The following ACTR6 variants were observed in gnomAD, a reference collection of about 807,000 sequenced individuals.
The protein encoded by ACTR6 is actin related protein 6, also known as actin-related protein 6.
A neutral mutation model predicts 52.5 loss-of-function variants in ACTR6; 50 were observed. That is an observed-to-expected ratio of 0.95 (90% CI 0.76 to 1.20). The LOEUF (loss-of-function observed/expected upper bound fraction) is 1.20. ACTR6 is among the 50% of genes most tolerant of loss of function. The pLI is 0.00. For missense variants in ACTR6, 344 were observed against 472.4 expected, an observed-to-expected ratio of 0.73 and a Z score of 2.52; for synonymous variants, 135 against 147.2, an observed-to-expected ratio of 0.92 and a Z score of 0.60.
At chr12:100,216,080 C>T (rs1254004213) in intron 8 of ACTR6, among the ~76,000 whole-genome samples, 2 of 152,182 alleles carry the variant, frequency 1.3e-5, no homozygotes, top group African/African-American at 4.8e-5. Flanking sequence ...TTGAGAAAAT[C>T]GTCCTCATCA....
intron 3 of ACTR6, among the ~76,000 whole-genome samples, chr12:100,206,819 C>T (rs1428624197): frequency 6.6e-6 from 1 of 150,934 alleles, no homozygotes; most frequent in African/African-American, 2.4e-5. Context: ...CAGGCATGCG[C>T]CACCACACCT....
At chr12:100,223,666 C>T (rs2096130064) in intron 10 of ACTR6, 120 bp from the exon 11 acceptor site, 1 of 1,268,638 alleles carries the variant, frequency 7.9e-7, no homozygotes, top group Admixed American at 2.6e-5. Context: ...TAGAGCTTGC[C>T]ACATTTTAAT....
At chr12:100,219,177 A>AG (rs1449626220) in intron 9 of ACTR6, among the ~76,000 whole-genome samples, 7 of 151,586 alleles carry the variant, frequency 4.6e-5, no homozygotes, top group African/African-American at 1.7e-4. Context: ...AAAAAAAAAA[A>AG]AAGAAAAACA....
At chr12:100,220,202 G>T in intron 10 of ACTR6, 56 bp downstream of exon 10, 1 of 1,552,764 alleles carries the variant, frequency 6.4e-7, no homozygotes, top group East Asian at 2.3e-5. Flanking sequence ...AGAAAAGGTG[G>T]TCTGTTGACT....
At chr12:100,205,845 C>A in intron 3 of ACTR6, 101 bp downstream of exon 3, 1 of 615,352 alleles carries the variant, frequency 1.6e-6, no homozygotes, top group Non-Finnish European at 2.6e-6. Context: ...GAATAATGTT[C>A]TCCGCACATT....
chr12:100,219,068 T>C (rs1288694358), intron 9 of ACTR6, among the ~76,000 whole-genome samples: 1 of 151,646 alleles, frequency 6.6e-6, no homozygotes, highest in African/African-American at 2.4e-5. Context: ...GTAAATAATG[T>C]TCCAGAGTTT....
intron 10 of ACTR6, among the ~76,000 whole-genome samples, chr12:100,222,264 T>TTG (rs1286362214): frequency 6.7e-6 from 1 of 149,614 alleles, no homozygotes; most frequent in African/African-American, 2.5e-5. Flanking sequence ...TGGGTTTTTT[T>TTG]TTTTTTTTTT....
Position 100,212,463 on chromosome 12 carries a change from G to T in ACTR6, c.685G>T (p.Glu229Ter). Reference sequence around the variant, plus strand: ...TTTGTTTTCCAGGTTGAAAGGAGAAGAAAATACAGTAATGATAGACTATGT... The same window carrying T: ...TTTGTTTTCCAGGTTGAAAGGAGAATAAAATACAGTAATGATAGACTATGT... Reference protein sequence around the residue: ...DMDIAKLKGEENTVMIDYVLP... With the variant: ...DMDIAKLKGE The change falls in exon 8 of 11, where the codon GAA becomes TAA. Residue 229 changes from glutamate (E) to a stop codon, truncating the protein, a stop_gained. Coordinates refer to ENST00000188312, the MANE Select transcript of ACTR6 (RefSeq NM_022496.5). LOFTEE classifies it high-confidence loss of function. The T allele has an allele frequency of 1.2e-6, 2 of 1,613,570 alleles. No individual in the cohort carries two copies. Among genetic ancestry groups the T allele is most frequent in the Non-Finnish European group, 1.7e-6 (2 of 1,179,634 alleles).
intron 4 of ACTR6, chr12:100,208,835 C>T (rs750932145): frequency 5.3e-5 from 24 of 453,022 alleles, no homozygotes; most frequent in Admixed American, 2.4e-5. Context: ...TAGCCTCCAC[C>T]TCCTGGGCTC....
At chr12:100,210,400 C>A (rs781054923) in intron 6 of ACTR6, 49 bp downstream of exon 6, 6 of 1,544,976 alleles carry the variant, frequency 3.9e-6, no homozygotes, top group African/African-American at 1.4e-5. Context: ...TGGGGAGGAA[C>A]CTTTTACAGT....
intron 2 of ACTR6, 118 bp from the exon 3 acceptor site, chr12:100,205,558 T>C (rs1477330498): frequency 3.2e-6 from 2 of 631,374 alleles, no homozygotes; most frequent in Non-Finnish European, 5.1e-6. Context: ...ATGGTAACCA[T>C]AGATAGAAAT....
intron 8 of ACTR6, among the ~76,000 whole-genome samples, chr12:100,217,356 C>CTTT: frequency 6.6e-6 from 1 of 152,152 alleles, no homozygotes; most frequent in South Asian, 2.1e-4. Context: ...GCAGAGAAAA[C>CTTT]CTCTCAGGAA....
chr12:100,208,590 A>G (rs2096117056), intron 4 of ACTR6, among the ~76,000 whole-genome samples: 1 of 152,184 alleles, frequency 6.6e-6, no homozygotes. Context: ...TCTTAAAACT[A>G]AATGGACCCT....
rs544893822 is a variant in ACTR6 at position 100,205,550 on chromosome 12, G to A, written c.187-126G>A. On this transcript the variant is annotated intron_variant, in intron 2 of 10. Coordinates refer to ENST00000188312, the MANE Select transcript of ACTR6 (RefSeq NM_022496.5). ...ATTCATACAGCATTACACTGGAAATGGTAACCATAGATAGAAATCAGTGAT... is the reference window on the plus strand; with the variant it reads ...ATTCATACAGCATTACACTGGAAATAGTAACCATAGATAGAAATCAGTGAT... 1.4e-4 allele frequency: 80 copies of A among 591,992 alleles called. No individual in the cohort carries two copies. The East Asian group carries it at 2.9e-3, about 21-fold the overall frequency. 36.7% of individuals were successfully genotyped at this position (591,992 alleles called of 1,614,324 possible).
At chr12:100,201,977 G>T (rs1270904840) in intron 1 of ACTR6, among the ~76,000 whole-genome samples, 1 of 151,458 alleles carries the variant, frequency 6.6e-6, no homozygotes, top group African/African-American at 2.4e-5. Flanking sequence ...TCTTGTCCAG[G>T]CTGGAGTGCA....
At chr12:100,211,309 G>C (rs1251025628) in intron 6 of ACTR6, among the ~76,000 whole-genome samples, 3 of 152,184 alleles carry the variant, frequency 2.0e-5, no homozygotes, top group Non-Finnish European at 4.4e-5. Flanking sequence ...CAGGGTCTTT[G>C]TCACCCAGGC....
chr12:100,214,537 G>C (rs977266599), intron 8 of ACTR6, among the ~76,000 whole-genome samples: 2 of 145,162 alleles, frequency 1.4e-5, no homozygotes, highest in Non-Finnish European at 3.0e-5. Context: ...ACCAGCCTCA[G>C]CAACAAAGTG....
chr12:100,212,718 C>T (rs1029539223), intron 8 of ACTR6, among the ~76,000 whole-genome samples, 190 bp downstream of exon 8: 1 of 151,782 alleles, frequency 6.6e-6, no homozygotes, highest in African/African-American at 2.4e-5. Context: ...AAAAGAATTT[C>T]ATTTAGGCCA....
At chr12:100,209,196 C>A (rs1163582602) in intron 4 of ACTR6, among the ~76,000 whole-genome samples, 1 of 152,114 alleles carries the variant, frequency 6.6e-6, no homozygotes, top group Non-Finnish European at 1.5e-5. Flanking sequence ...ATTTAACTTT[C>A]AGAATTTAAG....
Sources: gnomAD v4.1 joint callset for allele counts (sites outside exome capture counted in the v4.1 genomes callset) on GRCh38, gnomAD v4.1.1 for gene constraint, MANE v1.5 for transcripts, NCBI Gene and HGNC (gene_info 2026-07-23, HGNC 2026-07-21) for gene names.